Variants in SPAG16 observed in about 807,000 individuals in gnomAD.
SPAG16 encodes the protein sperm associated antigen 16.
In SPAG16, 86 loss-of-function variants were observed where a neutral mutation model predicts 80.4. That is an observed-to-expected ratio of 1.07 (90% CI 0.90 to 1.28). The LOEUF (loss-of-function observed/expected upper bound fraction) is 1.28, where lower values mean the gene tolerates loss of function less well. Among genes scored for constraint, SPAG16 ranks in the 50% most tolerant of loss-of-function variants. The pLI, the probability that SPAG16 is intolerant of heterozygous loss-of-function variation, is 0.00. For synonymous variants in SPAG16, 294 were observed against 265.9 expected, an observed-to-expected ratio of 1.11 and a Z score of -1.03; for missense variants, 870 against 765.3, an observed-to-expected ratio of 1.14 and a Z score of -1.61.
At chr2:213,951,887 AC>A in intron 12 of SPAG16, among the ~76,000 whole-genome samples, 1 of 152,302 alleles carries the variant, frequency 6.6e-6, no homozygotes, top group Non-Finnish European at 1.5e-5. Flanking sequence ...AAAAACAAAG[AC>A]ACACAACTAT....
intron 10 of SPAG16, among the ~76,000 whole-genome samples, chr2:213,800,714 C>T (rs933684830): frequency 2.0e-5 from 3 of 152,042 alleles, no homozygotes; most frequent in African/African-American, 7.2e-5. Flanking sequence ...GCAAACCAGC[C>T]TACAGGTATA....
At chr2:213,288,513 G>C (rs1043795079) in intron 1 of SPAG16, among the ~76,000 whole-genome samples, 7 of 150,294 alleles carry the variant, frequency 4.7e-5, no homozygotes, top group Admixed American at 2.0e-4. Flanking sequence ...GGGTTTCACT[G>C]TGTTAGCCAG....
At chr2:213,931,571 T>C (rs1448935343) in intron 12 of SPAG16, among the ~76,000 whole-genome samples, 5 of 152,186 alleles carry the variant, frequency 3.3e-5, no homozygotes, top group African/African-American at 7.2e-5. Context: ...TTTTCTAAAA[T>C]GTAATATGTC....
intron 12 of SPAG16, among the ~76,000 whole-genome samples, chr2:213,958,809 A>G (rs1278119123): frequency 6.6e-6 from 1 of 152,090 alleles, no homozygotes; most frequent in East Asian, 1.9e-4. Flanking sequence ...CTACTATAAC[A>G]TTAGCTTTTG....
At chr2:213,753,529 T>C (rs942128855) in intron 10 of SPAG16, among the ~76,000 whole-genome samples, 2 of 152,224 alleles carry the variant, frequency 1.3e-5, no homozygotes, top group African/African-American at 4.8e-5. Context: ...TTTTAGAATG[T>C]ATATTCAGAT....
At chr2:214,050,640 A>C (rs2049594935) in intron 13 of SPAG16, among the ~76,000 whole-genome samples, 1 of 152,194 alleles carries the variant, frequency 6.6e-6, no homozygotes, top group African/African-American at 2.4e-5. Flanking sequence ...TACATATAAA[A>C]GTATTATGTA....
At chr2:213,675,880 G>T (rs1211777240) in intron 10 of SPAG16, among the ~76,000 whole-genome samples, 4 of 151,660 alleles carry the variant, frequency 2.6e-5, no homozygotes, top group Admixed American at 2.6e-4. Flanking sequence ...CTCTTTTTTG[G>T]TTCCATATGA....
chr2:213,523,101 T>C (rs908597047), intron 10 of SPAG16, among the ~76,000 whole-genome samples: 17 of 152,148 alleles, frequency 1.1e-4, no homozygotes, highest in African/African-American at 3.9e-4. Flanking sequence ...GTAGTTCCCA[T>C]AATCCTCACA....
At chr2:213,399,828 A>T (rs1014828341) in intron 9 of SPAG16, among the ~76,000 whole-genome samples, 7 of 152,094 alleles carry the variant, frequency 4.6e-5, no homozygotes, top group Non-Finnish European at 8.8e-5. Flanking sequence ...TTTGTAATGT[A>T]ATAGAAGTTA....
rs1370784068 is a variant in SPAG16, at chr2:214,027,407, A to AT, written c.1527+13333dup. Reference sequence around the variant, plus strand: ...GCTTGGACAGTCTTTTCCTATGAATATTTGGATGGTTTCTAAGTAATTGAT... The same window carrying AT: ...GCTTGGACAGTCTTTTCCTATGAATATTTTGGATGGTTTCTAAGTAATTGAT... On this transcript the variant is annotated intron_variant, in intron 13 of 15. Transcript: ENST00000331683. 2.6e-5 allele frequency among the ~76,000 whole-genome samples: 4 copies of AT among 151,808 alleles called. No individual in the cohort carries two copies. The East Asian group carries it at 7.7e-4, about 29-fold the overall frequency.
chr2:213,512,976 T>C (rs1331348236), intron 10 of SPAG16, among the ~76,000 whole-genome samples: 1 of 152,130 alleles, frequency 6.6e-6, no homozygotes, highest in Non-Finnish European at 1.5e-5. Flanking sequence ...GGTAGTTCTT[T>C]AGGGCCCTCA....
chr2:213,402,086 A>C (rs2068339988), intron 9 of SPAG16, among the ~76,000 whole-genome samples: 1 of 152,094 alleles, frequency 6.6e-6, no homozygotes, highest in African/African-American at 2.4e-5. Flanking sequence ...CTACAAATTT[A>C]CTAATTTTAT....
intron 15 of SPAG16, among the ~76,000 whole-genome samples, chr2:214,166,773 T>A (rs559127134): frequency 1.3e-5 from 2 of 152,146 alleles, no homozygotes; most frequent in Non-Finnish European, 2.9e-5. Flanking sequence ...CTGAGAAGTG[T>A]TTTGCCTTTT....
At chr2:213,364,461 A>C (rs1042394476) in intron 8 of SPAG16, 1 of 164,306 alleles carries the variant, frequency 6.1e-6, no homozygotes, top group Non-Finnish European at 1.3e-5. Flanking sequence ...AGTAGAAAAC[A>C]GACAGCTCAA....
At chr2:214,315,017 C>T (rs994168897) in intron 15 of SPAG16, among the ~76,000 whole-genome samples, 19 of 151,584 alleles carry the variant, frequency 1.3e-4, no homozygotes, top group Admixed American at 2.6e-4. Context: ...AATAATTGCA[C>T]GGATGAATGC....
At chr2:214,058,389 G>T (rs1404448678) in intron 13 of SPAG16, among the ~76,000 whole-genome samples, 2 of 152,098 alleles carry the variant, frequency 1.3e-5, no homozygotes, top group African/African-American at 4.8e-5. Context: ...GTTCCATGGA[G>T]CAAGCAGAAC....
At chr2:214,218,837 C>T (rs905918986) in intron 15 of SPAG16, among the ~76,000 whole-genome samples, 1 of 152,168 alleles carries the variant, frequency 6.6e-6, no homozygotes, top group African/African-American at 2.4e-5. Context: ...GCTTAGCTGA[C>T]TCTCAGCACC....
rs951319625 is a variant in SPAG16 at position 214,011,436 on chromosome 2, T to C, written c.1401-2515T>C. ...TAAATATTCTAATATATTGGTATAC[T>C]TCTTGGGTCAGCAAACTTTTCTTCA... On this transcript the variant is annotated intron_variant, in intron 12 of 15. Transcript: ENST00000331683. 1.2e-4 allele frequency among the ~76,000 whole-genome samples: 14 copies of C among 118,550 alleles called. 2 individuals carry two copies. In the East Asian group the frequency reaches 3.2e-3, roughly 27 times the overall value. 77.8% of individuals were successfully genotyped at this position (118,550 alleles called of 152,430 possible). A position where few individuals can be genotyped will look rare whatever the true frequency, so the allele number is the denominator to read the frequency against.
At chr2:214,121,801 A>G (rs2054233678) in intron 14 of SPAG16, among the ~76,000 whole-genome samples, 1 of 151,900 alleles carries the variant, frequency 6.6e-6, no homozygotes, top group South Asian at 2.1e-4. Flanking sequence ...ATTATTTAAA[A>G]TGCTGTATAA....
Sources: allele counts gnomAD v4.1 joint callset (sites outside exome capture counted in the v4.1 genomes callset), GRCh38; gene constraint gnomAD v4.1.1; transcripts MANE v1.5; gene names NCBI Gene and HGNC (gene_info 2026-07-23, HGNC 2026-07-21).